Variants in KCNIP4 observed in about 807,000 individuals in gnomAD.
The protein encoded by KCNIP4 is potassium voltage-gated channel interacting protein 4, also known as Kv channel-interacting protein 4.
A neutral mutation model predicts 34.0 loss-of-function variants in KCNIP4; 12 were observed. The observed-to-expected ratio is 0.35, with a 90% CI of 0.23 to 0.57. The LOEUF (loss-of-function observed/expected upper bound fraction) is 0.57. KCNIP4 is among the 20% of genes least tolerant of loss of function. The pLI, the probability that KCNIP4 is intolerant of heterozygous loss-of-function variation, is 0.83. For missense variants in KCNIP4, 238 were observed against 311.7 expected (o/e 0.76, Z 1.78); for synonymous variants, 124 against 102.2 (o/e 1.21, Z -1.29).
intron 1 of KCNIP4, among the ~76,000 whole-genome samples, chr4:21,631,306 CTTTTA>C (rs1745750845): frequency 6.6e-6 from 1 of 152,038 alleles, no homozygotes; most frequent in African/African-American, 2.4e-5. Flanking sequence ...ATAAGCCATG[CTTTTA>C]TTTTAATTAA....
intron 1 of KCNIP4, among the ~76,000 whole-genome samples, chr4:21,800,577 T>C (rs116237229): frequency 9.5e-4 from 145 of 152,326 alleles, no homozygotes; most frequent in Non-Finnish European, 1.5e-3. Context: ...AAGTGAATTA[T>C]TTGCCTTGAG....
At chr4:21,556,098 C>T (rs375285288) in intron 1 of KCNIP4, among the ~76,000 whole-genome samples, 1 of 151,956 alleles carries the variant, frequency 6.6e-6, no homozygotes, top group South Asian at 2.1e-4. Context: ...AACAGCCTTT[C>T]GACAAAAGGG....
intron 1 of KCNIP4, among the ~76,000 whole-genome samples, chr4:21,662,897 T>A (rs1016362676): frequency 2.6e-5 from 4 of 152,236 alleles, no homozygotes; most frequent in African/African-American, 7.2e-5. Context: ...AGGGTTATTT[T>A]ACAAAGAAAA....
chr4:21,383,408 C>T (rs766111355), intron 1 of KCNIP4, among the ~76,000 whole-genome samples: 5 of 147,920 alleles, frequency 3.4e-5, no homozygotes, highest in Non-Finnish European at 3.0e-5. Flanking sequence ...ATATAAGGTG[C>T]TATGGGACAC....
chr4:21,833,359 T>G (rs1179293434), intron 1 of KCNIP4, among the ~76,000 whole-genome samples: 3 of 152,212 alleles, frequency 2.0e-5, no homozygotes, highest in African/African-American at 7.2e-5. Flanking sequence ...GAGCATTTTT[T>G]CATGTGTTTT....
At chr4:21,794,190 TGCA>T (rs2109239603) in intron 1 of KCNIP4, among the ~76,000 whole-genome samples, 1 of 152,216 alleles carries the variant, frequency 6.6e-6, no homozygotes, top group South Asian at 2.1e-4. Context: ...AGTTAACGGG[TGCA>T]GCACACCAAC....
chr4:20,956,592 A>C (rs1733331699), intron 1 of KCNIP4, among the ~76,000 whole-genome samples: 2 of 152,232 alleles, frequency 1.3e-5, no homozygotes, highest in South Asian at 4.1e-4. Context: ...GTGATGTTCA[A>C]AAATGTACTC....
Position 20,766,101 on chromosome 4 carries a change from C to T in KCNIP4, c.289-7211G>A, listed in dbSNP as rs138561164. Among the ~76,000 whole-genome samples, 420 of 152,076 alleles carry T rather than the reference C, an allele frequency of 2.8e-3. 3 individuals carry two copies. The highest frequency in any genetic ancestry group is 8.2e-3 in the Admixed American group (125 of 15,274). Reference sequence around the variant, plus strand: ...ATACACATGAGCACTTTTTATGTTCCAACCCTTGCATTAAATGTTTTACAT... The same window carrying T: ...ATACACATGAGCACTTTTTATGTTCTAACCCTTGCATTAAATGTTTTACAT... On this transcript the variant is annotated intron_variant, in intron 3 of 8. Coordinates refer to ENST00000382152, the MANE Select transcript of KCNIP4 (RefSeq NM_025221.6).
intron 1 of KCNIP4, among the ~76,000 whole-genome samples, chr4:21,119,812 A>G (rs183480451): frequency 1.4e-3 from 217 of 152,250 alleles, no homozygotes; most frequent in African/African-American, 5.1e-3. Flanking sequence ...TGAGAGGCAA[A>G]TGAAATTAAA....
intron 1 of KCNIP4, among the ~76,000 whole-genome samples, chr4:21,185,554 G>A (rs1479491302): frequency 6.7e-6 from 1 of 149,646 alleles, no homozygotes; most frequent in East Asian, 2.0e-4. Context: ...CTGCTTCATA[G>A]ACACGTGCTT....
chr4:21,784,737 C>A (rs1338031582), intron 1 of KCNIP4, among the ~76,000 whole-genome samples: 2 of 152,078 alleles, frequency 1.3e-5, no homozygotes, highest in Non-Finnish European at 2.9e-5. Flanking sequence ...CAGAATTTAC[C>A]ATCAAAGAGT....
intron 1 of KCNIP4, among the ~76,000 whole-genome samples, chr4:21,000,807 T>C (rs952461305): frequency 2.0e-5 from 3 of 152,228 alleles, no homozygotes; most frequent in Non-Finnish European, 4.4e-5. Context: ...CGGTCTCCAC[T>C]ATGTGCCTTG....
intron 1 of KCNIP4, among the ~76,000 whole-genome samples, chr4:21,828,867 G>A (rs972795035): frequency 4.0e-5 from 6 of 151,874 alleles, no homozygotes; most frequent in African/African-American, 1.4e-4. Context: ...TATTTTTAAG[G>A]CTGAAGGAAA....
intron 1 of KCNIP4, among the ~76,000 whole-genome samples, chr4:21,854,714 C>T (rs530664129): frequency 2.0e-5 from 3 of 152,180 alleles, no homozygotes; most frequent in South Asian, 2.1e-4. Context: ...ATATTCTAAG[C>T]GATTGTGTTG....
intron 1 of KCNIP4, among the ~76,000 whole-genome samples, chr4:21,119,975 G>A (rs188157929): frequency 1.7e-3 from 255 of 152,288 alleles, no homozygotes; most frequent in Non-Finnish European, 3.2e-3. Flanking sequence ...ACGGGAAGGT[G>A]TTGAGCAGGG....
At chr4:21,176,105 A>G (rs1333284560) in intron 1 of KCNIP4, among the ~76,000 whole-genome samples, 3 of 152,238 alleles carry the variant, frequency 2.0e-5, no homozygotes, top group Non-Finnish European at 2.9e-5. Context: ...TGAATTAGAC[A>G]AGGTAAAGCT....
At chr4:21,124,361 T>C (rs1750432682) in intron 1 of KCNIP4, among the ~76,000 whole-genome samples, 1 of 152,166 alleles carries the variant, frequency 6.6e-6, no homozygotes, top group African/African-American at 2.4e-5. Flanking sequence ...TGAGAACTGA[T>C]GGTATAGTGG....
At chr4:21,471,319 G>C (rs1730452805) in intron 1 of KCNIP4, among the ~76,000 whole-genome samples, 1 of 152,052 alleles carries the variant, frequency 6.6e-6, no homozygotes, top group Admixed American at 6.6e-5. Context: ...TTCAGCTGTG[G>C]ATTCATTGAA....
At chr4:21,732,901 T>A (rs1436633277) in intron 1 of KCNIP4, among the ~76,000 whole-genome samples, 1 of 152,190 alleles carries the variant, frequency 6.6e-6, no homozygotes, top group Non-Finnish European at 1.5e-5. Flanking sequence ...ATTGCTCTTC[T>A]ATTTCTGTTC....
Sources: allele counts gnomAD v4.1 joint callset (sites outside exome capture counted in the v4.1 genomes callset), GRCh38; gene constraint gnomAD v4.1.1; transcripts MANE v1.5; gene names NCBI Gene and HGNC (gene_info 2026-07-23, HGNC 2026-07-21).